Variants in RC3H2 observed in about 807,000 individuals in gnomAD.
RC3H2 encodes roquin-2.
Under a neutral mutation model 133.3 loss-of-function variants are expected in RC3H2, and 31 were observed. That is an observed-to-expected ratio of 0.23 (90% CI 0.17 to 0.31). RC3H2 has a LOEUF of 0.31. RC3H2 is among the 10% of genes least tolerant of loss of function. RC3H2 has a pLI of 1.00. For missense variants in RC3H2, 1,175 were observed against 1,437.2 expected (o/e 0.82, Z 2.95); for synonymous variants, 517 against 502.2 (o/e 1.03, Z -0.40).
At chr9:122,854,296 A>G (rs1830162642) in intron 16 of RC3H2, 30 bp from the exon 17 acceptor site, 10 of 1,558,178 alleles carry the variant, frequency 6.4e-6, no homozygotes, top group Non-Finnish European at 7.9e-6. Context: ...TATTGTAATA[A>G]AAGTGAAGTG....
chr9:122,861,738 G>T (rs1472345357), intron 10 of RC3H2, among the ~76,000 whole-genome samples: 2 of 152,092 alleles, frequency 1.3e-5, no homozygotes, highest in Non-Finnish European at 2.9e-5. Flanking sequence ...TTAAAGGTAG[G>T]ATATAAAGAA....
intron 17 of RC3H2, 22 bp from the exon 18 acceptor site, chr9:122,854,108 G>GA (rs752217691): frequency 1.9e-6 from 3 of 1,611,964 alleles, no homozygotes; most frequent in Non-Finnish European, 2.5e-6. Flanking sequence ...GGGAAAAAAA[G>GA]AAAAGTTAGC....
chr9:122,900,816 T>C (rs1035691496), intron 1 of RC3H2, among the ~76,000 whole-genome samples: 1 of 152,188 alleles, frequency 6.6e-6, no homozygotes, highest in African/African-American at 2.4e-5. Context: ...TTATTTGTAT[T>C]AACTAATTTT....
rs1830344390 is a variant in RC3H2 at position 122,858,762 on chromosome 9, T to C, written c.2190A>G (p.Thr730=). The C allele has an allele frequency of 1.2e-6, 2 of 1,614,270 alleles. No individual in the cohort carries two copies. The highest frequency in any genetic ancestry group is 1.7e-6 in the Non-Finnish European group (2 of 1,180,040). The stretch of plus-strand genomic sequence containing the variant: ...ATGAGTTATATCTTTCCCGCAAAGA[T>C]GTCTGATAGACAGATGAGTGCATCA... ...MDVMHSSVYQ[T]SLRERYNSLD... The change falls in exon 12 of 21, where the codon ACA becomes ACG. Residue 730 remains threonine (T), a synonymous_variant. Coordinates refer to ENST00000357244, the MANE Select transcript of RC3H2 (RefSeq NM_001100588.3).
chr9:122,849,710 G>A lies in RC3H2; in HGVS notation c.3493C>T (p.Leu1165Phe). Residue 1165 changes from leucine to phenylalanine, a missense_variant, in exon 21 of 21, where the codon CTC becomes TTC. This residue lies in a region of RC3H2 where 220 missense variants were observed against 201.1 expected (regional missense o/e 1.09). Transcript: ENST00000357244. ...GACATAACATGAGTTTTCAGAATGA[G>A]GTTGCCAGCACTGACAGATGTGGTG... Reference protein sequence around the residue: ...PITTSVSAGNLILKTHVMSED... With the variant: ...PITTSVSAGNFILKTHVMSED... The A allele has an allele frequency of 6.2e-7, 1 of 1,612,112 alleles. No homozygotes were observed.
intron 4 of RC3H2, among the ~76,000 whole-genome samples, chr9:122,889,705 C>CAAA (rs1279533774): frequency 6.6e-6 from 1 of 152,060 alleles, no homozygotes; most frequent in Non-Finnish European, 1.5e-5. Context: ...ATTACGTGTT[C>CAAA]AATCTTAGGC....
Position 122,879,811 on chromosome 9 carries a change from G to T in RC3H2, c.1156C>A (p.His386Asn). ...TTTTGTATGAAGTCCACAAGGCCAT[G>T]AACTACTGTTTTAACAGCTACCATT... ...NAMVAVKTVVHGLVDFIQNYS... is the reference protein window; with the variant it reads ...NAMVAVKTVVNGLVDFIQNYS... The change falls in exon 8 of 21, where the codon CAT becomes AAT. Residue 386 changes from histidine to asparagine, a missense_variant. His to Asn is a moderately conservative substitution (Grantham distance 68). Coordinates refer to ENST00000357244, the MANE Select transcript of RC3H2 (RefSeq NM_001100588.3). The T allele has an allele frequency of 6.2e-7, 1 of 1,614,082 alleles. No homozygotes were observed. Among genetic ancestry groups the T allele is most frequent in the South Asian group, 1.1e-5 (1 of 91,058 alleles).
At chr9:122,881,452 C>T (rs1212619660) in intron 5 of RC3H2, among the ~76,000 whole-genome samples, 22 of 110,848 alleles carry the variant, frequency 2.0e-4, no homozygotes, top group African/African-American at 5.3e-4. Context: ...AGTGAGACTC[C>T]GTCTCAAAAA....
intron 9 of RC3H2, among the ~76,000 whole-genome samples, chr9:122,869,783 T>C (rs969337630): frequency 7.2e-5 from 11 of 152,084 alleles, no homozygotes; most frequent in Non-Finnish European, 1.5e-4. Flanking sequence ...TTGGCCAAGC[T>C]GTTCTCAAAC....
At chr9:122,858,527 G>A (rs983966702) in intron 12 of RC3H2, 142 bp downstream of exon 12, 1 of 640,704 alleles carries the variant, frequency 1.6e-6, no homozygotes, top group Non-Finnish European at 2.7e-6. Flanking sequence ...TCAAAGGAAT[G>A]AAAGAACTGA....
intron 15 of RC3H2, 112 bp downstream of exon 15, chr9:122,855,072 C>T: frequency 1.2e-6 from 1 of 829,670 alleles, no homozygotes; most frequent in Middle Eastern, 3.0e-4. Flanking sequence ...AAGATCACAC[C>T]ACTGCATTCC....
intron 14 of RC3H2, 33 bp from the exon 15 acceptor site, chr9:122,855,430 T>C (rs1830205804): frequency 6.4e-7 from 1 of 1,564,052 alleles, no homozygotes; most frequent in Non-Finnish European, 8.8e-7. Flanking sequence ...ATAAAAGGAC[T>C]GTTGGCAATT....
In RC3H2 at chr9:122,847,735, G is replaced by T. The variant is rs140216412; in HGVS notation, c.*1892C>A. On this transcript the variant is annotated 3_prime_UTR_variant, in exon 21 of 21. Coordinates refer to ENST00000357244, the MANE Select transcript of RC3H2 (RefSeq NM_001100588.3). ...GAAATAAATAAAATGTCTTCATAGG[G>T]ATGGGGAGCACTGGCCATGGCAAAA... is the stretch of plus-strand genomic sequence containing the variant. 6.6e-6 allele frequency: 1 copy of T among 152,182 alleles called. No individual in the cohort carries two copies. Among genetic ancestry groups the T allele is most frequent in the East Asian group, 1.9e-4 (1 of 5,174 alleles). 9.4% of individuals were successfully genotyped at this position (152,182 alleles called of 1,614,324 possible). A position where few individuals can be genotyped will look rare whatever the true frequency, so the allele number is the denominator to read the frequency against.
At chr9:122,877,937 A>G (rs538592109) in intron 8 of RC3H2, among the ~76,000 whole-genome samples, 2 of 152,354 alleles carry the variant, frequency 1.3e-5, no homozygotes, top group South Asian at 4.1e-4. Context: ...AGCATTAAAA[A>G]AAAACCAAAA....
chr9:122,890,065 A>G lies in RC3H2; in HGVS notation c.583+247T>C, dbSNP rs1372681139. ...GCTGAGTCAGGAGAATTGCTTGAGC[A>G]TGGATGTCGAGGCTGCAGTGAGCCA... On this transcript the variant is annotated intron_variant, in intron 4 of 20. Coordinates refer to ENST00000357244, the MANE Select transcript of RC3H2 (RefSeq NM_001100588.3). 5.1e-6 allele frequency: 3 copies of G among 593,844 alleles called. No individual in the cohort carries two copies. The Admixed American group carries it at 8.8e-5, about 17-fold the overall frequency. The allele number at this position is 593,844 out of a possible 1,614,324, so 36.8% of individuals were successfully genotyped here.
At position 122,858,005 on chromosome 9, in the gene RC3H2, G is replaced by C. The variant is rs1340918324; in HGVS notation, c.2372C>G (p.Pro791Arg). 6.2e-7 allele frequency: 1 copy of C among 1,614,158 alleles called. No individual in the cohort carries two copies. The highest frequency in any genetic ancestry group is 8.5e-7 in the Non-Finnish European group (1 of 1,179,972). ...QWAQYHTQKA[P>R]LVSSTLPVAT... is the part of the protein sequence containing the mutation. ...CACAGGAAGAGTTGAAGAGACAAGAGGTGCTTTCTGAGTGTGGTACTGTGC... is the reference window on the plus strand; with the variant it reads ...CACAGGAAGAGTTGAAGAGACAAGACGTGCTTTCTGAGTGTGGTACTGTGC... Residue 791 changes from proline to arginine, a missense_variant, in exon 13 of 21, where the codon CCT (proline) becomes CGT (arginine). Physicochemically the swap from Pro to Arg is moderately radical, Grantham distance 103. This residue lies in a region of RC3H2 where 490 missense variants were observed against 492.8 expected (regional missense o/e 0.99). Transcript: ENST00000357244.
intron 10 of RC3H2, among the ~76,000 whole-genome samples, chr9:122,860,892 T>C (rs951484940): frequency 1.3e-5 from 2 of 152,094 alleles, no homozygotes; most frequent in Non-Finnish European, 2.9e-5. Flanking sequence ...TTAGCTGAAA[T>C]ATGAACTCCT....
intron 5 of RC3H2, among the ~76,000 whole-genome samples, chr9:122,881,937 T>C (rs914204837): frequency 6.6e-6 from 1 of 152,258 alleles, no homozygotes; most frequent in Non-Finnish European, 1.5e-5. Context: ...AGCTAATAGG[T>C]AGGCATATAT....
At chr9:122,860,272 A>ATGAATTTCACTGCCACC in intron 10 of RC3H2, 141 bp from the exon 11 acceptor site, 1 of 639,710 alleles carries the variant, frequency 1.6e-6, no homozygotes. Flanking sequence ...AAATAAGGCA[A>ATGAATTTCACTGCCACC]TGAATTTCAC....
Sources: gnomAD v4.1 joint callset for allele counts (sites outside exome capture counted in the v4.1 genomes callset) on GRCh38, gnomAD v4.1.1 for gene constraint, gnomAD v4.1.1 regional missense constraint, MANE v1.5 for transcripts, NCBI Gene and HGNC (gene_info 2026-07-23, HGNC 2026-07-21) for gene names.